The following TEX11 variants were observed in gnomAD, a reference collection of about 807,000 sequenced individuals.
TEX11 encodes the protein testis-expressed protein 11.
In TEX11, 7 loss-of-function variants were observed where a neutral mutation model predicts 84.4. The observed-to-expected ratio is 0.08, with a 90% confidence interval of 0.05 to 0.16. TEX11 has a LOEUF of 0.16. TEX11 is among the 10% of genes least tolerant of loss of function. TEX11 has a pLI of 1.00. For synonymous variants in TEX11, 264 were observed against 222.8 expected, an observed-to-expected ratio of 1.18 and a Z score of -1.64; for missense variants, 551 against 660.5, an observed-to-expected ratio of 0.83 and a Z score of 1.82.
chrX:70,544,519 T>C (rs1347448748), intron 28 of TEX11, among the ~76,000 whole-genome samples: 2 of 111,167 alleles, frequency 1.8e-5, no homozygotes, highest in East Asian at 5.7e-4. Context: ...AGAGACTTTG[T>C]CTCAAAAAAT....
chrX:70,665,598 AAAAC>A (rs1300563853), intron 16 of TEX11, among the ~76,000 whole-genome samples: 1 of 111,975 alleles, frequency 8.9e-6, no homozygotes, highest in Non-Finnish European at 1.9e-5. Context: ...TACAATTTAG[AAAAC>A]AAACCAAAGA....
chrX:70,679,434 T>C (rs1266134683), intron 14 of TEX11, among the ~76,000 whole-genome samples: 3 of 91,857 alleles, frequency 3.3e-5, no homozygotes, highest in East Asian at 7.0e-4. Flanking sequence ...TCTGCCTGGC[T>C]GCGCAGTCTG....
At chrX:70,815,506 G>A (rs2091281355) in intron 8 of TEX11, among the ~76,000 whole-genome samples, 1 of 111,482 alleles carries the variant, frequency 9.0e-6, no homozygotes, top group South Asian at 3.8e-4. Context: ...AAAAGAGAGA[G>A]AGATCACATT....
In TEX11 at chrX:70,553,203, C is replaced by T. The variant is rs764004400; in HGVS notation, c.2399+103G>A. The T allele has an allele frequency of 3.3e-4, 154 of 466,049 alleles. 2 individuals are homozygous for T. The Admixed American group carries it at 6.3e-3, about 19-fold the overall frequency. The allele number at this position is 466,049 out of a possible 1,213,427, so 38.4% of individuals were successfully genotyped here. A position where few individuals can be genotyped will look rare whatever the true frequency, so the allele number is the denominator to read the frequency against. The stretch of plus-strand genomic sequence containing the variant: ...CACAAGAATGCCCCCAGATCATCCC[C>T]ATATCATCTTTAAAGTTGAGTCAAT... On this transcript the variant is annotated intron_variant, in intron 27 of 29. Coordinates refer to ENST00000374333, the MANE Select transcript of TEX11 (RefSeq NM_031276.3).
At chrX:70,605,372 T>C (rs1474588501) in intron 24 of TEX11, 29 bp downstream of exon 24, 2 of 1,015,712 alleles carry the variant, frequency 2.0e-6, no homozygotes, top group South Asian at 2.0e-5. Context: ...CACTGAACTC[T>C]TGTCTTTTCT....
At chrX:70,883,623 C>T (rs2147875308) in intron 2 of TEX11, among the ~76,000 whole-genome samples, 1 of 111,104 alleles carries the variant, frequency 9.0e-6, no homozygotes, top group African/African-American at 3.3e-5. Context: ...AGACAGCAAA[C>T]TGTATTAAGG....
chrX:70,554,923 G>A, intron 25 of TEX11, 123 bp from the exon 26 acceptor site: 4 of 670,842 alleles, frequency 6.0e-6, no homozygotes, highest in Non-Finnish European at 8.5e-6. Context: ...ACAATTTGAA[G>A]GTCATCTTCA....
intron 25 of TEX11, among the ~76,000 whole-genome samples, chrX:70,565,835 C>T (rs1288660409): frequency 6.3e-5 from 7 of 111,508 alleles, no homozygotes; most frequent in Non-Finnish European, 1.1e-4. Flanking sequence ...AGTCAGGTAG[C>T]TTGATGCCTC....
At chrX:70,851,355 C>T (rs1364316556) in intron 7 of TEX11, among the ~76,000 whole-genome samples, 2 of 111,759 alleles carry the variant, frequency 1.8e-5, no homozygotes, top group Admixed American at 1.9e-4. Context: ...AAAGAATAGT[C>T]TTCTCAACAA....
chrX:70,903,203 T>C (rs2091812846), intron 2 of TEX11, among the ~76,000 whole-genome samples: 1 of 107,760 alleles, frequency 9.3e-6, no homozygotes, highest in African/African-American at 3.4e-5. Flanking sequence ...AGGAGTACAC[T>C]CTAAGATGAT....
At chrX:70,719,178 T>C (rs2090534259) in intron 13 of TEX11, among the ~76,000 whole-genome samples, 1 of 112,108 alleles carries the variant, frequency 8.9e-6, no homozygotes, top group African/African-American at 3.2e-5. Context: ...ATATTGTTAT[T>C]ATATACACGT....
downstream of TEX11, among the ~76,000 whole-genome samples, chrX:70,524,819 C>A: frequency 8.9e-6 from 1 of 112,208 alleles, no homozygotes; most frequent in Non-Finnish European, 1.9e-5. Flanking sequence ...CCTGCCTCGG[C>A]CTCCCAAAGA....
At chrX:70,891,060 G>T (rs977034007) in intron 2 of TEX11, among the ~76,000 whole-genome samples, 1 of 112,402 alleles carries the variant, frequency 8.9e-6, no homozygotes, top group Non-Finnish European at 1.9e-5. Flanking sequence ...CTGTTCTGCA[G>T]CCTCTGCTAC....
chrX:70,648,120 G>A (rs1044892937), intron 17 of TEX11, among the ~76,000 whole-genome samples: 6 of 111,215 alleles, frequency 5.4e-5, no homozygotes, highest in African/African-American at 2.0e-4. Flanking sequence ...GTAGGGACAT[G>A]GATGAAGCTG....
intron 25 of TEX11, among the ~76,000 whole-genome samples, chrX:70,561,780 A>G (rs2088379387): frequency 8.9e-6 from 1 of 112,141 alleles, no homozygotes; most frequent in East Asian, 2.8e-4. Flanking sequence ...TACATACTAT[A>G]TATACACACA....
chrX:70,849,070 C>T (rs1421598627), intron 7 of TEX11, among the ~76,000 whole-genome samples: 3 of 111,980 alleles, frequency 2.7e-5, no homozygotes, highest in African/African-American at 9.7e-5. Context: ...GAAAAGTATC[C>T]TTCACCTTGC....
chrX:70,907,580 G>C (rs2091840649), intron 2 of TEX11, among the ~76,000 whole-genome samples, 173 bp downstream of exon 2: 1 of 111,211 alleles, frequency 9.0e-6, no homozygotes, highest in Non-Finnish European at 1.9e-5. Flanking sequence ...GTTTAGTAGA[G>C]ACGCGGTTTC....
chrX:70,651,137 TTTTAAA>T (rs1405432175), intron 17 of TEX11, among the ~76,000 whole-genome samples: 4 of 111,971 alleles, frequency 3.6e-5, no homozygotes, highest in Non-Finnish European at 7.5e-5. Flanking sequence ...ACACACAGCT[TTTTAAA>T]TTTAATTTTT....
At chrX:70,605,750 T>C (rs2089188801) in intron 23 of TEX11, among the ~76,000 whole-genome samples, 1 of 112,357 alleles carries the variant, frequency 8.9e-6, no homozygotes, top group African/African-American at 3.2e-5. Flanking sequence ...TTCTTCACAG[T>C]ATTCCTATCT....
Sources: gnomAD v4.1 joint callset for allele counts (sites outside exome capture counted in the v4.1 genomes callset) on GRCh38, gnomAD v4.1.1 for gene constraint, MANE v1.5 for transcripts, NCBI Gene and HGNC (gene_info 2026-07-23, HGNC 2026-07-21) for gene names.